PLCXD3: variants seen among roughly 807,000 people sequenced by gnomAD.
PLCXD3 encodes the protein PI-PLC X domain-containing protein 3.
PLCXD3 carries 19 observed loss-of-function variants against 25.5 expected under a neutral mutation model. That is an observed-to-expected ratio of 0.75 (90% confidence interval 0.52 to 1.09). The LOEUF (loss-of-function observed/expected upper bound fraction) is 1.09. PLCXD3 is among the 50% of genes least tolerant of loss of function. The pLI is 0.00. For missense variants in PLCXD3, 411 were observed against 388.1 expected, an observed-to-expected ratio of 1.06 and a Z score of -0.50; for synonymous variants, 174 against 137.6, an observed-to-expected ratio of 1.26 and a Z score of -1.85.
intron 2 of PLCXD3, among the ~76,000 whole-genome samples, chr5:41,317,224 A>AT: frequency 6.6e-6 from 1 of 152,356 alleles, no homozygotes; most frequent in Admixed American, 6.5e-5. Context: ...CTGCCTGGTA[A>AT]CTTAGAGAAT....
intron 1 of PLCXD3, among the ~76,000 whole-genome samples, chr5:41,478,723 T>C (rs914339143): frequency 1.3e-5 from 2 of 152,174 alleles, no homozygotes; most frequent in African/African-American, 4.8e-5. Context: ...CTTACTGCTA[T>C]GAAGAACTAC....
In PLCXD3 at chr5:41,379,204, C is replaced by T. The variant is rs142438392; in HGVS notation, c.812+2622G>A. On this transcript the variant is annotated intron_variant, in intron 2 of 2. Transcript: ENST00000377801. ...CAGGCTCCTGCTGCCTTTTCCCCAC[C>T]TCTAGTGACCCATCAGAGATTCTTC... Among the ~76,000 whole-genome samples, 123 of 152,164 alleles carry T rather than the reference C, an allele frequency of 8.1e-4. 1 individual carries two copies. Among genetic ancestry groups the T allele is most frequent in the African/African-American group, 2.8e-3 (115 of 41,548 alleles).
rs1318371066 is a variant in PLCXD3 at position 41,458,361 on chromosome 5, A to T, written c.103+52063T>A. 3.3e-5 allele frequency among the ~76,000 whole-genome samples: 5 copies of T among 152,076 alleles called. No homozygotes were observed. The South Asian group carries it at 8.3e-4, about 25-fold the overall frequency. On this transcript the variant is annotated intron_variant, in intron 1 of 2. Coordinates refer to ENST00000377801, the MANE Select transcript of PLCXD3 (RefSeq NM_001005473.3). Reference sequence around the variant, plus strand: ...CAGAGAAACAGAAAACTGGAAAATAAAACCAGAATTAGTGAAAATGTAATT... The same window carrying T: ...CAGAGAAACAGAAAACTGGAAAATATAACCAGAATTAGTGAAAATGTAATT...
At chr5:41,395,332 A>C (rs1371354651) in intron 1 of PLCXD3, among the ~76,000 whole-genome samples, 1 of 152,124 alleles carries the variant, frequency 6.6e-6, no homozygotes, top group Non-Finnish European at 1.5e-5. Context: ...AATTAGTACT[A>C]AGATGGAAAT....
intron 2 of PLCXD3, among the ~76,000 whole-genome samples, chr5:41,348,131 G>T (rs2150479994): frequency 6.6e-6 from 1 of 152,286 alleles, no homozygotes; most frequent in East Asian, 1.9e-4. Context: ...ACACTTTGAG[G>T]TAGGTTAATA....
At chr5:41,366,373 C>T (rs1744938303) in intron 2 of PLCXD3, among the ~76,000 whole-genome samples, 1 of 152,168 alleles carries the variant, frequency 6.6e-6, no homozygotes, top group African/African-American at 2.4e-5. Context: ...AAATGCATGT[C>T]TCCTAGGACA....
chr5:41,433,441 A>G (rs956656986), intron 1 of PLCXD3, among the ~76,000 whole-genome samples: 2 of 152,180 alleles, frequency 1.3e-5, no homozygotes, highest in Non-Finnish European at 2.9e-5. Context: ...AGCCATGAAC[A>G]GATGGATATT....
chr5:41,464,351 A>G (rs888088592), intron 1 of PLCXD3, among the ~76,000 whole-genome samples: 2 of 152,062 alleles, frequency 1.3e-5, no homozygotes, highest in South Asian at 4.1e-4. Flanking sequence ...GTGCACCGCT[A>G]TCGGTAGACA....
chr5:41,365,028 T>G (rs2150486486), intron 2 of PLCXD3, among the ~76,000 whole-genome samples: 1 of 152,314 alleles, frequency 6.6e-6, no homozygotes, highest in East Asian at 1.9e-4. Flanking sequence ...TGCTTTCACT[T>G]TTCTCTCTTA....
intron 2 of PLCXD3, among the ~76,000 whole-genome samples, chr5:41,348,372 G>A (rs1302708667): frequency 6.6e-6 from 1 of 152,064 alleles, no homozygotes; most frequent in East Asian, 1.9e-4. Context: ...CATTTTTGTT[G>A]TTGTTGTTGT....
intron 1 of PLCXD3, among the ~76,000 whole-genome samples, chr5:41,493,762 G>T (rs1273954274): frequency 6.6e-6 from 1 of 152,190 alleles, no homozygotes; most frequent in African/African-American, 2.4e-5. Flanking sequence ...ATAATCTCCT[G>T]GTGCGCCGTT....
chr5:41,354,101 A>G (rs146555728), intron 2 of PLCXD3, among the ~76,000 whole-genome samples: 1,588 of 152,274 alleles, frequency 0.01, 24 homozygotes, highest in Admixed American at 0.024. Flanking sequence ...CAAGCCTAAA[A>G]TGTGATGATT....
chr5:41,452,635 G>A (rs905803348), intron 1 of PLCXD3, among the ~76,000 whole-genome samples: 1 of 152,018 alleles, frequency 6.6e-6, no homozygotes, highest in Non-Finnish European at 1.5e-5. Flanking sequence ...ATACACTCAA[G>A]TTGCCCCTCT....
At chr5:41,391,795 A>G (rs1467546102) in intron 1 of PLCXD3, among the ~76,000 whole-genome samples, 1 of 152,148 alleles carries the variant, frequency 6.6e-6, no homozygotes, top group Non-Finnish European at 1.5e-5. Flanking sequence ...ATTTATGGAC[A>G]TGCCCTGGAT....
chr5:41,368,358 A>G (rs746973673), intron 2 of PLCXD3, among the ~76,000 whole-genome samples: 1 of 152,154 alleles, frequency 6.6e-6, no homozygotes, highest in Non-Finnish European at 1.5e-5. Flanking sequence ...GTTTATAGGA[A>G]TGCTAGCAAT....
intron 1 of PLCXD3, among the ~76,000 whole-genome samples, chr5:41,494,777 C>T (rs113863003): frequency 0.014 from 2,151 of 152,228 alleles, 53 homozygotes; most frequent in African/African-American, 0.049. Context: ...GATTGGATTA[C>T]ATATTTTCAC....
chr5:41,345,211 G>T (rs116989806), intron 2 of PLCXD3, among the ~76,000 whole-genome samples: 1 of 152,302 alleles, frequency 6.6e-6, no homozygotes, highest in East Asian at 1.9e-4. Context: ...TTTTCCAAAT[G>T]ATGTCTTTGG....
At chr5:41,352,852 G>A (rs1744502344) in intron 2 of PLCXD3, among the ~76,000 whole-genome samples, 1 of 152,012 alleles carries the variant, frequency 6.6e-6, no homozygotes, top group Admixed American at 6.6e-5. Flanking sequence ...TTACAAGAAA[G>A]GCCCATTGTG....
chr5:41,441,337 A>C (rs1360878337), intron 1 of PLCXD3, among the ~76,000 whole-genome samples: 1 of 152,220 alleles, frequency 6.6e-6, no homozygotes, highest in African/African-American at 2.4e-5. Flanking sequence ...TCTAACAGAG[A>C]CAAGACATCC....
Sources: gnomAD v4.1 joint callset for allele counts (sites outside exome capture counted in the v4.1 genomes callset) on GRCh38, gnomAD v4.1.1 for gene constraint, MANE v1.5 for transcripts, NCBI Gene and HGNC (gene_info 2026-07-23, HGNC 2026-07-21) for gene names.